Variants in CDH18 observed in about 807,000 individuals in gnomAD.
The protein encoded by CDH18 is cadherin-18.
CDH18 carries 31 observed loss-of-function variants against 67.9 expected under a neutral mutation model. The ratio of observed to expected loss-of-function variants is 0.46; its 90% CI spans 0.34 to 0.62. CDH18 has a LOEUF of 0.62. Ranked by LOEUF, CDH18 falls within the 20% of genes least tolerant of loss-of-function variation. The probability of loss-of-function intolerance (pLI) is 0.01; values close to 1 mark genes in which losing one functional copy is unlikely to be tolerated. For synonymous variants in CDH18, 362 were observed against 347.2 expected (o/e 1.04, Z -0.48); for missense variants, 890 against 975.5 (o/e 0.91, Z 1.17).
intron 10 of CDH18, among the ~76,000 whole-genome samples, chr5:19,519,639 G>A (rs886794471): frequency 2.2e-4 from 34 of 152,146 alleles, no homozygotes; most frequent in African/African-American, 8.0e-4. Flanking sequence ...GTTGATGCAT[G>A]ACTCACTTGA....
chr5:19,807,585 C>T (rs150015975), intron 3 of CDH18, among the ~76,000 whole-genome samples: 21 of 152,242 alleles, frequency 1.4e-4, no homozygotes, highest in Non-Finnish European at 2.5e-4. Flanking sequence ...CTTTCCTAAA[C>T]CACAGGTACC....
chr5:19,590,665 C>T (rs996747392), intron 7 of CDH18, among the ~76,000 whole-genome samples: 2 of 152,108 alleles, frequency 1.3e-5, no homozygotes, highest in East Asian at 3.9e-4. Flanking sequence ...CAGCCCCCTT[C>T]GTCATCCTCT....
At chr5:20,181,342 C>G (rs1023441519) in intron 2 of CDH18, among the ~76,000 whole-genome samples, 1 of 152,098 alleles carries the variant, frequency 6.6e-6, no homozygotes, top group Non-Finnish European at 1.5e-5. Context: ...TCTTGGCATC[C>G]AGCTTGCAGG....
chr5:19,716,637 G>T (rs1005130025), intron 5 of CDH18, among the ~76,000 whole-genome samples: 1 of 151,892 alleles, frequency 6.6e-6, no homozygotes, highest in Non-Finnish European at 1.5e-5. Flanking sequence ...TAATGCAAAA[G>T]AATCTGACTG....
intron 1 of CDH18, among the ~76,000 whole-genome samples, chr5:20,434,182 G>A (rs2150180537): frequency 6.6e-6 from 1 of 152,134 alleles, no homozygotes; most frequent in Middle Eastern, 3.4e-3. Context: ...TACAAATACT[G>A]ACAAGTTAAA....
In CDH18 at chr5:19,483,288, T is replaced by C. The variant is rs1303144977; in HGVS notation, c.1882+13A>G. 1 of 1,604,434 alleles carries C rather than the reference T, an allele frequency of 6.2e-7. No homozygotes were observed. Among genetic ancestry groups the C allele is most frequent in the Admixed American group, 1.7e-5 (1 of 58,748 alleles). Reference sequence around the variant, plus strand: ...ATTGCCATCATGCAAACTTAGGGTTTAGAATGACTTACCCAGGAGAATGAG... The same window carrying C: ...ATTGCCATCATGCAAACTTAGGGTTCAGAATGACTTACCCAGGAGAATGAG... On this transcript the variant is annotated intron_variant, in intron 12 of 12. Transcript: ENST00000382275.
At chr5:20,024,734 G>A (rs1738739221) in intron 2 of CDH18, among the ~76,000 whole-genome samples, 2 of 152,180 alleles carry the variant, frequency 1.3e-5, no homozygotes, top group South Asian at 4.1e-4. Context: ...GGGGTTGAGA[G>A]CCATGGAAGG....
chr5:19,498,553 A>G (rs1050741242), intron 11 of CDH18, among the ~76,000 whole-genome samples: 1 of 152,196 alleles, frequency 6.6e-6, no homozygotes, highest in Non-Finnish European at 1.5e-5. Flanking sequence ...TAGAAATCGT[A>G]CTACATCACT....
chr5:20,352,026 T>A (rs577266312), intron 1 of CDH18, among the ~76,000 whole-genome samples: 1 of 152,246 alleles, frequency 6.6e-6, no homozygotes, highest in African/African-American at 2.4e-5. Flanking sequence ...AAAGTAAGCT[T>A]ATAAAGCAGT....
chr5:20,019,737 T>C (rs1738233076), intron 2 of CDH18, among the ~76,000 whole-genome samples: 1 of 152,098 alleles, frequency 6.6e-6, no homozygotes, highest in South Asian at 2.1e-4. Context: ...TTTATAGCAA[T>C]GAAAGAATGA....
intron 1 of CDH18, among the ~76,000 whole-genome samples, chr5:20,476,197 T>C (rs1244337902): frequency 1.3e-5 from 2 of 152,152 alleles, no homozygotes; most frequent in Non-Finnish European, 2.9e-5. Context: ...ACCACAATGA[T>C]TGGTTGAGGT....
intron 2 of CDH18, among the ~76,000 whole-genome samples, chr5:19,911,068 T>C (rs887854154): frequency 6.6e-6 from 1 of 151,834 alleles, no homozygotes; most frequent in Non-Finnish European, 1.5e-5. Flanking sequence ...AATAGGAAAC[T>C]GAAAAAGGGC....
intron 1 of CDH18, among the ~76,000 whole-genome samples, chr5:20,396,871 T>C (rs932801212): frequency 1.3e-5 from 2 of 152,198 alleles, no homozygotes; most frequent in African/African-American, 4.8e-5. Context: ...TGCTAGTAAG[T>C]TTCCAAATAA....
intron 6 of CDH18, among the ~76,000 whole-genome samples, chr5:19,606,737 G>A (rs561044269): frequency 6.6e-6 from 1 of 151,828 alleles, no homozygotes; most frequent in Non-Finnish European, 1.5e-5. Flanking sequence ...AGAACTAATA[G>A]AAAAGAAGTG....
At chr5:20,565,833 A>C (rs540165874) in intron 1 of CDH18, among the ~76,000 whole-genome samples, 1 of 152,116 alleles carries the variant, frequency 6.6e-6, no homozygotes, top group South Asian at 2.1e-4. Context: ...TCAACTAACC[A>C]ACTAATCCCT....
intron 2 of CDH18, among the ~76,000 whole-genome samples, chr5:20,249,619 C>T (rs1743666145): frequency 6.6e-6 from 1 of 152,080 alleles, no homozygotes; most frequent in Admixed American, 6.6e-5. Flanking sequence ...ATCCGCCCGC[C>T]TCGGCCTCCC....
At chr5:19,629,064 C>T (rs1159784713) in intron 5 of CDH18, among the ~76,000 whole-genome samples, 2 of 152,096 alleles carry the variant, frequency 1.3e-5, no homozygotes, top group Non-Finnish European at 2.9e-5. Context: ...GAGTCAGAGA[C>T]ATCATAATGA....
chr5:20,360,440 G>A (rs1742000115), intron 1 of CDH18, among the ~76,000 whole-genome samples: 8 of 152,102 alleles, frequency 5.3e-5, no homozygotes, highest in Non-Finnish European at 1.2e-4. Flanking sequence ...ATGGACTCTT[G>A]GCTTTGGCAC....
intron 1 of CDH18, among the ~76,000 whole-genome samples, chr5:20,362,094 C>T (rs185104296): frequency 4.4e-4 from 67 of 152,140 alleles, no homozygotes; most frequent in Admixed American, 7.2e-4. Context: ...GGTAAATTAG[C>T]GAATTAATGT....
Sources: allele counts gnomAD v4.1 joint callset (sites outside exome capture counted in the v4.1 genomes callset), GRCh38; gene constraint gnomAD v4.1.1; transcripts MANE v1.5; gene names NCBI Gene and HGNC (gene_info 2026-07-23, HGNC 2026-07-21).